The following GAS7 variants were observed in gnomAD, a reference collection of about 807,000 sequenced individuals.
GAS7 encodes growth arrest-specific protein 7.
In GAS7, 28 loss-of-function variants were observed where a neutral mutation model predicts 71.1. That is an observed-to-expected ratio of 0.39 (90% CI 0.29 to 0.54). The LOEUF (loss-of-function observed/expected upper bound fraction) is 0.54, where lower values mean the gene tolerates loss of function less well. Ranked by LOEUF, GAS7 falls within the 20% of genes least tolerant of loss-of-function variation. The pLI, the probability that GAS7 is intolerant of heterozygous loss-of-function variation, is 0.62. For synonymous variants in GAS7, 258 were observed against 245.8 expected (o/e 1.05, Z -0.46); for missense variants, 436 against 627.8 (o/e 0.69, Z 3.27).
intron 1 of GAS7, among the ~76,000 whole-genome samples, chr17:10,188,136 G>A (rs374698017): frequency 1.1e-4 from 17 of 152,038 alleles, no homozygotes; most frequent in East Asian, 7.7e-4. Flanking sequence ...CCAGCTACTC[G>A]GGAGGCGGAG....
In GAS7 at chr17:10,103,476, C is replaced by A. The variant is rs1391312485; in HGVS notation, c.184-83579G>T. ...GACTGTTTTCCATTTTCCAAAACAA[C>A]GATTTCATTTCTCAGATGATGGGAA... is the stretch of plus-strand genomic sequence containing the variant. On this transcript the variant is annotated intron_variant, in intron 1 of 13. Transcript: ENST00000432992. The surrounding 1 kb of genome is among the most constrained non-coding windows in gnomAD (Gnocchi z 5.5). 6.6e-6 allele frequency among the ~76,000 whole-genome samples: 1 copy of A among 152,096 alleles called. No homozygotes were observed. The highest frequency in any genetic ancestry group is 1.5e-5 in the Non-Finnish European group (1 of 68,018).
chr17:10,009,231 G>A (rs1210098371), intron 2 of GAS7, among the ~76,000 whole-genome samples: 13 of 148,052 alleles, frequency 8.8e-5, no homozygotes, highest in Non-Finnish European at 3.0e-5. Context: ...TGAGGCAGGA[G>A]AATGGCGTGA....
chr17:10,181,739 T>C (rs1333155437), intron 1 of GAS7, among the ~76,000 whole-genome samples: 1 of 152,194 alleles, frequency 6.6e-6, no homozygotes, highest in Non-Finnish European at 1.5e-5. Context: ...ACCATCACTC[T>C]GGAGGATATG....
At chr17:9,938,677 T>C (rs1192590960) in intron 8 of GAS7, among the ~76,000 whole-genome samples, 1 of 151,662 alleles carries the variant, frequency 6.6e-6, no homozygotes. Flanking sequence ...TAAATGTCTG[T>C]AGTTTCAGCC....
intron 1 of GAS7, among the ~76,000 whole-genome samples, chr17:10,127,974 T>C (rs2073963618): frequency 6.6e-6 from 1 of 152,146 alleles, no homozygotes; most frequent in African/African-American, 2.4e-5. Flanking sequence ...GCTTAGCTAA[T>C]CCTCTGCTCT....
chr17:9,921,284 G>A (rs1382542725), intron 11 of GAS7, among the ~76,000 whole-genome samples: 2 of 151,590 alleles, frequency 1.3e-5, no homozygotes, highest in Non-Finnish European at 2.9e-5. Flanking sequence ...AGCCTCCCGA[G>A]TAGCTGGTAC....
At chr17:10,030,664 G>A (rs1056922239) in intron 1 of GAS7, among the ~76,000 whole-genome samples, 2 of 152,214 alleles carry the variant, frequency 1.3e-5, no homozygotes, top group African/African-American at 4.8e-5. Flanking sequence ...CTGCCTCCTT[G>A]AGTCCCTAAA....
intron 1 of GAS7, among the ~76,000 whole-genome samples, chr17:10,029,296 A>G (rs1191233252): frequency 3.9e-5 from 6 of 152,208 alleles, no homozygotes; most frequent in Admixed American, 2.6e-4. Context: ...CAACAGAAAC[A>G]TATTCTTCTA....
At chr17:9,995,346 C>G (rs1295544243) in intron 2 of GAS7, among the ~76,000 whole-genome samples, 1 of 151,982 alleles carries the variant, frequency 6.6e-6, no homozygotes, top group Non-Finnish European at 1.5e-5. Context: ...TTTAAAGATA[C>G]ATGTGTATAT....
At chr17:10,023,894 T>C (rs1442798348) in intron 1 of GAS7, among the ~76,000 whole-genome samples, 1 of 152,012 alleles carries the variant, frequency 6.6e-6, no homozygotes, top group Non-Finnish European at 1.5e-5. Context: ...GAGGCCAAGG[T>C]GGGTGGATTA....
At chr17:9,993,154 G>T (rs1293299537) in intron 2 of GAS7, among the ~76,000 whole-genome samples, 1 of 151,224 alleles carries the variant, frequency 6.6e-6, no homozygotes, top group African/African-American at 2.4e-5. Flanking sequence ...GGTATTTCTA[G>T]TTCTAGATCC....
At chr17:10,003,863 C>A (rs762478181) in intron 2 of GAS7, among the ~76,000 whole-genome samples, 16 of 152,184 alleles carry the variant, frequency 1.1e-4, no homozygotes, top group Non-Finnish European at 1.6e-4. Context: ...TTTTCCTCCT[C>A]CTACACCTCT....
intron 1 of GAS7, among the ~76,000 whole-genome samples, chr17:10,182,501 G>C (rs1278736882): frequency 1.3e-5 from 2 of 152,138 alleles, no homozygotes; most frequent in Non-Finnish European, 2.9e-5. Context: ...TACTTTGTCA[G>C]CTAACTCTTG....
chr17:9,987,310 C>T (rs1197638545), intron 2 of GAS7, among the ~76,000 whole-genome samples: 1 of 152,192 alleles, frequency 6.6e-6, no homozygotes, highest in African/African-American at 2.4e-5. Flanking sequence ...TCACACAAAA[C>T]ACATATTTTC....
At chr17:10,133,116 T>A (rs191148169) in intron 1 of GAS7, among the ~76,000 whole-genome samples, 34,638 of 142,414 alleles carry the variant, frequency 0.24, 4,663 homozygotes, top group South Asian at 0.31. Flanking sequence ...GATTATATAT[T>A]TTTATATTTT....
At chr17:10,150,133 A>G (rs555294206) in intron 1 of GAS7, among the ~76,000 whole-genome samples, 60 of 152,306 alleles carry the variant, frequency 3.9e-4, no homozygotes, top group African/African-American at 1.4e-3. Context: ...TAAAGAAAAA[A>G]ATATTAACTA....
At chr17:9,951,686 G>A (rs1386763805) in intron 5 of GAS7, among the ~76,000 whole-genome samples, 1 of 150,390 alleles carries the variant, frequency 6.6e-6, no homozygotes, top group Non-Finnish European at 1.5e-5. Context: ...GAACCTGGGA[G>A]GTGGCGGTTG....
At chr17:10,001,996 T>C (rs1191635617) in intron 2 of GAS7, among the ~76,000 whole-genome samples, 2 of 152,132 alleles carry the variant, frequency 1.3e-5, no homozygotes, top group African/African-American at 2.4e-5. Flanking sequence ...AGGGGACAGA[T>C]TGCAACCTGT....
intron 1 of GAS7, among the ~76,000 whole-genome samples, chr17:10,022,859 A>T (rs1416454447): frequency 6.6e-6 from 1 of 152,050 alleles, no homozygotes; most frequent in Non-Finnish European, 1.5e-5. Flanking sequence ...AACGGCAAAC[A>T]CCTGCTGGGG....
Sources: allele counts gnomAD v4.1 joint callset (sites outside exome capture counted in the v4.1 genomes callset), GRCh38; gene constraint gnomAD v4.1.1; non-coding constraint Gnocchi (gnomAD v3.1); transcripts MANE v1.5; gene names NCBI Gene and HGNC (gene_info 2026-07-23, HGNC 2026-07-21).